The following VWA5A variants were observed in gnomAD, a reference collection of about 807,000 sequenced individuals.
The protein encoded by VWA5A is von Willebrand factor A domain containing 5A.
Under a neutral mutation model 84.6 loss-of-function variants are expected in VWA5A, and 77 were observed. The observed-to-expected ratio is 0.91, with a 90% confidence interval of 0.76 to 1.10. The LOEUF (loss-of-function observed/expected upper bound fraction) is 1.10. VWA5A is among the 50% of genes least tolerant of loss of function. VWA5A has a pLI of 0.00. For synonymous variants in VWA5A, 334 were observed against 350.1 expected (o/e 0.95, Z 0.51); for missense variants, 973 against 963.0 (o/e 1.01, Z -0.14).
At chr11:124,135,666 G>T (rs955308736) in intron 12 of VWA5A, among the ~76,000 whole-genome samples, 5 of 147,138 alleles carry the variant, frequency 3.4e-5, no homozygotes, top group African/African-American at 1.0e-4. Context: ...GAGTAGCTGG[G>T]ACTACAGGCG....
intron 7 of VWA5A, among the ~76,000 whole-genome samples, chr11:124,120,013 C>T (rs766685423): frequency 2.6e-4 from 39 of 151,938 alleles, no homozygotes; most frequent in South Asian, 2.1e-4. Flanking sequence ...TTTCTCTTTT[C>T]GAGATATAAT....
intron 15 of VWA5A, among the ~76,000 whole-genome samples, chr11:124,139,328 G>A (rs1322671325): frequency 6.7e-6 from 1 of 150,220 alleles, no homozygotes; most frequent in Non-Finnish European, 1.5e-5. Context: ...TGCTGTGAAG[G>A]TTGTCTTTGA....
At chr11:124,120,515 A>G (rs548415235) in intron 7 of VWA5A, among the ~76,000 whole-genome samples, 40 of 152,282 alleles carry the variant, frequency 2.6e-4, no homozygotes, top group African/African-American at 9.4e-4. Context: ...CTACTCTCTC[A>G]TTGTTAATGT....
In VWA5A at chr11:124,137,271, A is replaced by G. The variant is rs759150453; in HGVS notation, c.1879+3A>G. The G allele has an allele frequency of 2.5e-6, 4 of 1,613,836 alleles. No homozygotes were observed. The highest frequency in any genetic ancestry group is 3.4e-6 in the Non-Finnish European group (4 of 1,179,896). ...ATTGAAGATAAAATGCCAATCAGGT[A>G]ATGAGTTTTATTCCATTCAAACTCA... On this transcript the variant is annotated splice_donor_region_variant and intron_variant, in intron 15 of 18. Coordinates refer to ENST00000456829, the MANE Select transcript of VWA5A (RefSeq NM_001130142.2).
At chr11:124,136,940 C>A in intron 14 of VWA5A, 75 bp from the exon 15 acceptor site, 2 of 1,538,704 alleles carry the variant, frequency 1.3e-6, no homozygotes, top group Non-Finnish European at 1.7e-6. Context: ...CTATTCCTAA[C>A]TTTTAGGAGC....
chr11:124,118,066 T>C (rs1864864238), intron 4 of VWA5A, 123 bp from the exon 5 acceptor site: 1 of 1,289,638 alleles, frequency 7.8e-7, no homozygotes, highest in Non-Finnish European at 1.1e-6. Context: ...TCAGAGGCAT[T>C]CAGAGTATAG....
chr11:124,124,107 G>C, intron 10 of VWA5A, 130 bp from the exon 11 acceptor site: 1 of 964,504 alleles, frequency 1.0e-6, no homozygotes, highest in Non-Finnish European at 1.6e-6. Flanking sequence ...TGAAACATTA[G>C]GGATTTCATG....
intron 11 of VWA5A, among the ~76,000 whole-genome samples, chr11:124,131,250 C>T (rs777394060): frequency 1.3e-5 from 2 of 152,024 alleles, no homozygotes; most frequent in South Asian, 2.1e-4. Flanking sequence ...AAGTGATTAA[C>T]GGTAATACAG....
At chr11:124,130,747 G>A (rs368501811) in intron 11 of VWA5A, among the ~76,000 whole-genome samples, 19 of 151,612 alleles carry the variant, frequency 1.3e-4, no homozygotes, top group East Asian at 9.7e-4. Flanking sequence ...CTTCTTTGTC[G>A]TTTTTTATCA....
Position 124,124,235 on chromosome 11 carries a change from A to T in VWA5A, c.1165-2A>T. The T allele has an allele frequency of 1.9e-6, 3 of 1,612,796 alleles. No homozygotes were observed. The highest frequency in any genetic ancestry group is 2.5e-6 in the Non-Finnish European group (3 of 1,179,374). ...TGATGAACATTTTCTTTCTTTGTAT[A>T]GCTTTTTGTCTTTACAGATGGAGAA... is the stretch of plus-strand genomic sequence containing the variant. On this transcript the variant is annotated splice_acceptor_variant, in intron 10 of 18. Coordinates refer to ENST00000456829, the MANE Select transcript of VWA5A (RefSeq NM_001130142.2). LOFTEE classifies it high-confidence loss of function.
chr11:124,124,343 G>A, intron 11 of VWA5A, 27 bp downstream of exon 11: 1 of 1,610,920 alleles, frequency 6.2e-7, no homozygotes, highest in Non-Finnish European at 8.5e-7. Context: ...ATTTCCGGGT[G>A]ATTGGTGCTG....
At chr11:124,117,956 T>C in intron 4 of VWA5A, 81 bp downstream of exon 4, 2 of 1,499,900 alleles carry the variant, frequency 1.3e-6, no homozygotes, top group South Asian at 2.4e-5. Context: ...TTATGATCTC[T>C]ACTAAATGTA....
At chr11:124,139,024 A>T (rs1372521528) in intron 15 of VWA5A, among the ~76,000 whole-genome samples, 1 of 152,204 alleles carries the variant, frequency 6.6e-6, no homozygotes, top group Non-Finnish European at 1.5e-5. Context: ...CCATTTATTA[A>T]AGTGACTGTC....
intron 15 of VWA5A, 35 bp downstream of exon 15, chr11:124,137,303 A>G: frequency 6.3e-7 from 1 of 1,593,732 alleles, no homozygotes; most frequent in Non-Finnish European, 8.5e-7. Flanking sequence ...CTCATATAGA[A>G]TAAAAGATTC....
At chr11:124,138,738 G>T (rs930433344) in intron 15 of VWA5A, among the ~76,000 whole-genome samples, 1 of 152,084 alleles carries the variant, frequency 6.6e-6, no homozygotes, top group Non-Finnish European at 1.5e-5. Context: ...TCCGTAGGTT[G>T]TTTCTTCACC....
intron 11 of VWA5A, chr11:124,124,540 A>G: frequency 7.8e-7 from 1 of 1,283,438 alleles, no homozygotes; most frequent in Non-Finnish European, 9.8e-7. Flanking sequence ...TCTAAACTAC[A>G]ACGAACACAA....
chr11:124,118,057 C>A, intron 4 of VWA5A, 132 bp from the exon 5 acceptor site: 1 of 1,264,700 alleles, frequency 7.9e-7, no homozygotes, highest in Non-Finnish European at 1.1e-6. Context: ...AGAAATCAAT[C>A]AGAGGCATTC....
chr11:124,137,087 A>C lies in VWA5A; in HGVS notation c.1698A>C (p.Ala566=), dbSNP rs1860621511. 1 of 1,613,584 alleles carries C rather than the reference A, an allele frequency of 6.2e-7. No individual in the cohort carries two copies. Among genetic ancestry groups the C allele is most frequent in the Non-Finnish European group, 8.5e-7 (1 of 1,179,930 alleles). The change falls in exon 15 of 19, where the codon GCA becomes GCC. Residue 566 remains alanine (A), a synonymous_variant. Coordinates refer to ENST00000456829, the MANE Select transcript of VWA5A (RefSeq NM_001130142.2). The part of the protein sequence containing the change: ...TKDMGLRETP[A]SDKKDALNLS... ...ACATGGGCCTCAGGGAGACTCCAGCAAGTGATAAAAAAGATGCATTGAACC... is the reference window on the plus strand; with the variant it reads ...ACATGGGCCTCAGGGAGACTCCAGCCAGTGATAAAAAAGATGCATTGAACC...
At chr11:124,139,268 G>T (rs1407620287) in intron 15 of VWA5A, among the ~76,000 whole-genome samples, 1 of 132,176 alleles carries the variant, frequency 7.6e-6, no homozygotes, top group African/African-American at 3.1e-5. Context: ...TTTTCTCAAG[G>T]TTACTTTGAC....
Sources: allele counts gnomAD v4.1 joint callset (sites outside exome capture counted in the v4.1 genomes callset), GRCh38; gene constraint gnomAD v4.1.1; transcripts MANE v1.5; gene names NCBI Gene and HGNC (gene_info 2026-07-23, HGNC 2026-07-21).